Variants in LRGUK observed in about 807,000 individuals in gnomAD.
LRGUK encodes leucine-rich repeat and guanylate kinase domain-containing protein.
In LRGUK, 65 loss-of-function variants were observed where a neutral mutation model predicts 76.0. The ratio of observed to expected loss-of-function variants is 0.85; its 90% CI spans 0.70 to 1.05. The LOEUF (loss-of-function observed/expected upper bound fraction) is 1.05. Ranked by LOEUF, LRGUK falls within the 50% of genes least tolerant of loss-of-function variation. LRGUK has a pLI of 0.00. For synonymous variants in LRGUK, 268 were observed against 265.6 expected, an observed-to-expected ratio of 1.01 and a Z score of -0.09; for missense variants, 758 against 732.8, an observed-to-expected ratio of 1.03 and a Z score of -0.40.
intron 16 of LRGUK, among the ~76,000 whole-genome samples, chr7:134,246,408 T>C (rs1162192484): frequency 1.3e-5 from 2 of 152,222 alleles, no homozygotes; most frequent in African/African-American, 4.8e-5. Context: ...GTTATTGTGA[T>C]GCAAAAATGT....
rs1341661507 is a variant in LRGUK at position 134,248,938 on chromosome 7, T to G, written c.2073-13T>G. 2 of 1,439,324 alleles carry G rather than the reference T, an allele frequency of 1.4e-6. No individual in the cohort carries two copies. The highest frequency in any genetic ancestry group is 1.6e-5 in the South Asian group (1 of 62,558). The allele number at this position is 1,439,324 out of a possible 1,614,324, so 89.2% of individuals were successfully genotyped here. The stretch of plus-strand genomic sequence containing the variant: ...CCTTTGGTTTTTTTTTTTTTTTAAA[T>G]TTCCCATTCCAGGGGTCCAGTACCA... On this transcript the variant is annotated splice_polypyrimidine_tract_variant and intron_variant, in intron 17 of 19. Coordinates refer to the LRGUK transcript ENST00000285928.
chr7:134,262,970 C>CAAAAAA (rs3030443), intron 19 of LRGUK, among the ~76,000 whole-genome samples: 3 of 89,962 alleles, frequency 3.3e-5, no homozygotes, highest in African/African-American at 1.0e-4. Flanking sequence ...GACCTGGTCT[C>CAAAAAA]AAAAAAAAAA....
chr7:134,267,910 C>A (rs1249656691), downstream of LRGUK, among the ~76,000 whole-genome samples: 1 of 140,682 alleles, frequency 7.1e-6, no homozygotes, highest in East Asian at 2.0e-4. Context: ...CACAAGTACC[C>A]CCAGAATCTA....
At chr7:134,166,119 T>C (rs187161122) in intron 7 of LRGUK, among the ~76,000 whole-genome samples, 1 of 152,202 alleles carries the variant, frequency 6.6e-6, no homozygotes, top group Admixed American at 6.5e-5. Flanking sequence ...CCGAGAATAC[T>C]GTGTATCTCG....
At chr7:134,274,687 A>G in the LRGUK span, among the ~76,000 whole-genome samples, 1 of 152,154 alleles carries the variant, frequency 6.6e-6, no homozygotes, top group Non-Finnish European at 1.5e-5. Context: ...ATTATATTGC[A>G]ATTACAGATT....
At chr7:134,239,955 C>T (rs2117190629) in intron 16 of LRGUK, among the ~76,000 whole-genome samples, 1 of 152,296 alleles carries the variant, frequency 6.6e-6, no homozygotes, top group East Asian at 1.9e-4. Flanking sequence ...GAGTGGACCT[C>T]CAGCAAACTC....
At chr7:134,177,047 T>C (rs745628983) in exon 9 of LRGUK, 2 of 1,598,350 alleles carry the variant, frequency 1.3e-6, no homozygotes, top group African/African-American at 2.7e-5. Context: ...CAGAAGAAGA[T>C]TAAAGTGGAA....
intron 15 of LRGUK, among the ~76,000 whole-genome samples, chr7:134,218,191 G>C (rs894850056): frequency 6.6e-6 from 1 of 152,166 alleles, no homozygotes; most frequent in Non-Finnish European, 1.5e-5. Flanking sequence ...TCGAACTCCT[G>C]ACCTCAAGTG....
chr7:134,158,235 T>A, intron 6 of LRGUK, 76 bp downstream of exon 6: 1 of 1,315,204 alleles, frequency 7.6e-7, no homozygotes, highest in East Asian at 2.4e-5. Flanking sequence ...TATGACTACT[T>A]AGGATTCAAA....
exon 16 of LRGUK, chr7:134,209,631 C>A (rs188253459): frequency 2.9e-4 from 114 of 399,256 alleles, no homozygotes; most frequent in Admixed American, 1.6e-3. Context: ...AGGGAAGAGG[C>A]TTTAGGAACA....
At chr7:134,237,676 G>T (rs1802047771) in intron 16 of LRGUK, among the ~76,000 whole-genome samples, 1 of 151,978 alleles carries the variant, frequency 6.6e-6, no homozygotes, top group African/African-American at 2.4e-5. Context: ...AAGAAATCTG[G>T]GTTTCTTTAA....
chr7:134,228,137 A>G (rs745695868), intron 16 of LRGUK, among the ~76,000 whole-genome samples: 148 of 152,336 alleles, frequency 9.7e-4, no homozygotes, highest in Admixed American at 1.9e-3. Context: ...TTTCAAAAAA[A>G]GTAATAACAA....
At chr7:134,221,739 TA>T in intron 15 of LRGUK, 39 bp from the exon 16 acceptor site, 1 of 1,423,240 alleles carries the variant, frequency 7.0e-7, no homozygotes, top group East Asian at 2.6e-5. Flanking sequence ...AAATTTCCTT[TA>T]TGACTTTTAT....
intron 16 of LRGUK, among the ~76,000 whole-genome samples, chr7:134,225,185 C>T (rs1801710377): frequency 7.5e-6 from 1 of 134,134 alleles, no homozygotes; most frequent in Non-Finnish European, 1.6e-5. Flanking sequence ...TCAGCCGTAA[C>T]ATTTTAATAT....
At chr7:134,127,379 C>A (rs759616727) in exon 1 of LRGUK, 4 of 1,604,356 alleles carry the variant, frequency 2.5e-6, no homozygotes, top group Non-Finnish European at 3.4e-6. Context: ...TGGCGACCTC[C>A]GAGAGGGCTC....
At chr7:134,222,795 A>G (rs536850509) in intron 16 of LRGUK, among the ~76,000 whole-genome samples, 1 of 151,984 alleles carries the variant, frequency 6.6e-6, no homozygotes, top group South Asian at 2.1e-4. Flanking sequence ...TTCAGTAGAG[A>G]TGGGGTTTTT....
chr7:134,170,288 C>G (rs1799186717), intron 7 of LRGUK, among the ~76,000 whole-genome samples: 1 of 151,920 alleles, frequency 6.6e-6, no homozygotes, highest in Non-Finnish European at 1.5e-5. Flanking sequence ...TTGTGTCTCC[C>G]TTTATTATTT....
downstream of LRGUK, among the ~76,000 whole-genome samples, chr7:134,214,403 C>A (rs192735618): frequency 6.6e-6 from 1 of 151,980 alleles, no homozygotes; most frequent in Non-Finnish European, 1.5e-5. Context: ...TCTAGTAATT[C>A]GAATCTGAGG....
intron 12 of LRGUK, among the ~76,000 whole-genome samples, chr7:134,195,889 C>T (rs962670134): frequency 1.3e-5 from 2 of 152,114 alleles, no homozygotes; most frequent in African/African-American, 4.8e-5. Context: ...GGATCTTCCT[C>T]ATCACCTGCA....
Sources: allele counts gnomAD v4.1 joint callset (sites outside exome capture counted in the v4.1 genomes callset), GRCh38; gene constraint gnomAD v4.1.1; transcripts MANE v1.5; gene names NCBI Gene and HGNC (gene_info 2026-07-23, HGNC 2026-07-21).